Variants in FRMD5 observed in about 807,000 individuals in gnomAD.
FRMD5 encodes FERM domain-containing protein 5.
In FRMD5, 20 loss-of-function variants were observed where a neutral mutation model predicts 69.0. That is an observed-to-expected ratio of 0.29 (90% CI 0.20 to 0.42). The LOEUF (loss-of-function observed/expected upper bound fraction) is 0.42. FRMD5 is among the 10% of genes least tolerant of loss of function. The probability of loss-of-function intolerance (pLI) is 1.00; values close to 1 mark genes in which losing one functional copy is unlikely to be tolerated. For synonymous variants in FRMD5, 271 were observed against 260.1 expected, an observed-to-expected ratio of 1.04 and a Z score of -0.40; for missense variants, 595 against 708.6, an observed-to-expected ratio of 0.84 and a Z score of 1.82.
intron 1 of FRMD5, among the ~76,000 whole-genome samples, chr15:44,045,475 C>A (rs1280829440): frequency 6.6e-6 from 1 of 152,064 alleles, no homozygotes; most frequent in Non-Finnish European, 1.5e-5. Flanking sequence ...GATCAACCCA[C>A]ATCAACAAGA....
At chr15:43,993,896 C>T (rs11635948) in intron 1 of FRMD5, among the ~76,000 whole-genome samples, 130,532 of 152,166 alleles carry the variant, frequency 0.86, 57,607 homozygotes, top group Non-Finnish European at 0.95. Context: ...GAATAGTTAC[C>T]CCTGCTTTCT....
chr15:43,893,989 T>A (rs2088856822), intron 7 of FRMD5, among the ~76,000 whole-genome samples: 1 of 152,154 alleles, frequency 6.6e-6, no homozygotes, highest in Admixed American at 6.5e-5. Context: ...TTCCTCAGGG[T>A]CTGTCATGAT....
At chr15:44,191,447 A>C (rs899689106) in intron 1 of FRMD5, among the ~76,000 whole-genome samples, 2 of 151,958 alleles carry the variant, frequency 1.3e-5, no homozygotes, top group South Asian at 4.2e-4. Context: ...TTGGCCAGGC[A>C]TGGTGGTGGG....
chr15:44,019,240 C>T (rs1184243823), intron 1 of FRMD5, among the ~76,000 whole-genome samples: 1 of 152,068 alleles, frequency 6.6e-6, no homozygotes, highest in Admixed American at 6.6e-5. Context: ...CTGTTTTCTG[C>T]AGACCATATT....
chr15:44,061,990 C>G (rs1893106908), intron 1 of FRMD5, among the ~76,000 whole-genome samples: 1 of 152,140 alleles, frequency 6.6e-6, no homozygotes. Flanking sequence ...CACAAAGCTG[C>G]TAGGCTTCCA....
chr15:43,976,330 CTG>C (rs1397779134), intron 1 of FRMD5, among the ~76,000 whole-genome samples: 3 of 152,116 alleles, frequency 2.0e-5, no homozygotes, highest in Non-Finnish European at 4.4e-5. Context: ...TCAAAAGAAA[CTG>C]TTGAGAGAAC....
chr15:44,036,768 T>C (rs1038340225), intron 1 of FRMD5, among the ~76,000 whole-genome samples: 4 of 152,220 alleles, frequency 2.6e-5, no homozygotes, highest in Non-Finnish European at 4.4e-5. Flanking sequence ...TTATACTTTT[T>C]TGTTTTGTGC....
At position 43,913,760 on chromosome 15, in the gene FRMD5, G is replaced by C. The variant is rs546316078; in HGVS notation, c.330-3781C>G. Among the ~76,000 whole-genome samples the C allele has an allele frequency of 4.3e-4, 66 of 152,322 alleles. 2 individuals are homozygous for C. In the South Asian group the frequency reaches 0.013, roughly 30 times the overall value. On this transcript the variant is annotated intron_variant, in intron 4 of 13. Coordinates refer to ENST00000417257, the MANE Select transcript of FRMD5 (RefSeq NM_032892.5). ...CCAAGGAAATAGAAGTCCAGAGATG[G>C]AGAGTGACTTATCTGAGGTAACACA...
chr15:43,960,213 C>A (rs2090175646), intron 1 of FRMD5, among the ~76,000 whole-genome samples: 1 of 152,160 alleles, frequency 6.6e-6, no homozygotes, highest in Non-Finnish European at 1.5e-5. Flanking sequence ...CTCAGCCTCC[C>A]AAGTAGCTGG....
intron 1 of FRMD5, among the ~76,000 whole-genome samples, chr15:43,983,066 G>A (rs1047310140): frequency 6.6e-6 from 1 of 152,154 alleles, no homozygotes; most frequent in Non-Finnish European, 1.5e-5. Flanking sequence ...AAGTAGCTGG[G>A]ATTACAGGCA....
intron 8 of FRMD5, among the ~76,000 whole-genome samples, chr15:43,890,528 T>G (rs1390358207): frequency 6.6e-6 from 1 of 152,078 alleles, no homozygotes; most frequent in Non-Finnish European, 1.5e-5. Context: ...CTAAAGAATA[T>G]CAAATAGCCC....
At chr15:44,149,068 G>C (rs1160946099) in intron 1 of FRMD5, among the ~76,000 whole-genome samples, 1 of 152,044 alleles carries the variant, frequency 6.6e-6, no homozygotes, top group Non-Finnish European at 1.5e-5. Flanking sequence ...GTATTAAAAA[G>C]ATTTAGTTTA....
At chr15:44,142,800 T>C (rs1339071969) in intron 1 of FRMD5, among the ~76,000 whole-genome samples, 1 of 151,692 alleles carries the variant, frequency 6.6e-6, no homozygotes, top group Non-Finnish European at 1.5e-5. Context: ...AAAAGAAGAG[T>C]AAACGTAGGC....
intron 1 of FRMD5, among the ~76,000 whole-genome samples, chr15:43,971,509 C>A (rs2090377453): frequency 6.6e-6 from 1 of 150,680 alleles, no homozygotes; most frequent in Admixed American, 6.6e-5. Flanking sequence ...GATGGCGAAA[C>A]CCCATCTCTA....
At chr15:43,888,443 A>G (rs2088715734) in intron 9 of FRMD5, among the ~76,000 whole-genome samples, 177 bp from the exon 10 acceptor site, 2 of 152,342 alleles carry the variant, frequency 1.3e-5, no homozygotes, top group East Asian at 1.9e-4. Flanking sequence ...ATACTTGGCA[A>G]GTCCAATCAG....
chr15:44,083,883 C>T (rs1038899048), intron 1 of FRMD5, among the ~76,000 whole-genome samples: 1 of 152,086 alleles, frequency 6.6e-6, no homozygotes, highest in Middle Eastern at 3.4e-3. Flanking sequence ...TGTAGTAAAG[C>T]TTGTCATTTG....
chr15:44,117,534 T>C (rs558874083), intron 1 of FRMD5, among the ~76,000 whole-genome samples: 2 of 152,156 alleles, frequency 1.3e-5, no homozygotes, highest in Admixed American at 6.6e-5. Context: ...AATGAAAGAA[T>C]TGGAGGGACG....
chr15:43,918,098 C>T (rs926334964), intron 4 of FRMD5, among the ~76,000 whole-genome samples: 14 of 152,196 alleles, frequency 9.2e-5, no homozygotes, highest in Non-Finnish European at 1.8e-4. Context: ...AATTTTTGCT[C>T]CTTTCACCTG....
At chr15:44,085,600 G>A (rs1894165273) in intron 1 of FRMD5, among the ~76,000 whole-genome samples, 1 of 152,034 alleles carries the variant, frequency 6.6e-6, no homozygotes, top group Non-Finnish European at 1.5e-5. Context: ...CCAAAGAGGG[G>A]TATCTCAAAC....
Sources: allele counts gnomAD v4.1 joint callset (sites outside exome capture counted in the v4.1 genomes callset), GRCh38; gene constraint gnomAD v4.1.1; transcripts MANE v1.5; gene names NCBI Gene and HGNC (gene_info 2026-07-23, HGNC 2026-07-21).